SPTBN5: variants seen among roughly 807,000 people sequenced by gnomAD.
The protein encoded by SPTBN5 is spectrin beta, non-erythrocytic 5, also known as spectrin beta chain, non-erythrocytic 5.
Under a neutral mutation model 477.6 loss-of-function variants are expected in SPTBN5, and 513 were observed. That is an observed-to-expected ratio of 1.07 (90% CI 1.00 to 1.16). SPTBN5 has a LOEUF of 1.16. Ranked by LOEUF, SPTBN5 falls within the 50% of genes most tolerant of loss-of-function variation. The probability of loss-of-function intolerance (pLI) is 0.00; values close to 1 mark genes in which losing one functional copy is unlikely to be tolerated. For missense variants in SPTBN5, 5,062 were observed against 4,731.8 expected, an observed-to-expected ratio of 1.07 and a Z score of -2.05; for synonymous variants, 2,169 against 2,011.7, an observed-to-expected ratio of 1.08 and a Z score of -2.09.
chr15:41,873,452 C>T (rs1457413434), intron 26 of SPTBN5, 40 bp downstream of exon 26: 2 of 1,454,686 alleles, frequency 1.4e-6, no homozygotes, highest in Non-Finnish European at 1.9e-6. Context: ...GGTCCATCAT[C>T]ACCCAGACCA....
intron 17 of SPTBN5, among the ~76,000 whole-genome samples, 185 bp downstream of exon 17, chr15:41,878,157 C>T (rs1484034576): frequency 3.9e-5 from 6 of 152,192 alleles, no homozygotes; most frequent in African/African-American, 7.2e-5. Context: ...GGCTGCCTGA[C>T]CCAGTCCTAG....
At chr15:41,856,786 G>C in intron 52 of SPTBN5, 67 bp downstream of exon 52, 1 of 1,463,882 alleles carries the variant, frequency 6.8e-7, no homozygotes, top group Non-Finnish European at 9.2e-7. Context: ...GCCACAGAGA[G>C]TGCCATTTCC....
Position 41,854,659 on chromosome 15 carries a change from C to T in SPTBN5, c.9618+123G>A, listed in dbSNP as rs570749790. On this transcript the variant is annotated intron_variant, in intron 56 of 67. Transcript: ENST00000320955. ...AGCTGAGCAGGTGAGGGAAAAGGCA[C>T]ATTCACTTGAGGCCAGCAGGGTGTG... 55 of 814,338 alleles carry T rather than the reference C, an allele frequency of 6.8e-5. No homozygotes were observed. In the African/African-American group the frequency reaches 8.7e-4, roughly 13 times the overall value. 50.4% of individuals were successfully genotyped at this position (814,338 alleles called of 1,614,324 possible). A position where few individuals can be genotyped will look rare whatever the true frequency, so the allele number is the denominator to read the frequency against.
In SPTBN5 at chr15:41,890,179, C is replaced by T. The variant is rs764592849; in HGVS notation, c.411G>A (p.Glu137=). The change falls in exon 4 of 68, where the codon GAG becomes GAA. Residue 137 remains glutamate (E), a synonymous_variant. Transcript: ENST00000320955. ...AKVPVPLIGP[E]NIVDGDQTLI... is the part of the protein sequence containing the mutation. ...GTGTCTGGTCTCCGTCCACGATGTT[C>T]TCTGGCCCGATGAGTGGTACTGGCA... The T allele has an allele frequency of 3.0e-5, 49 of 1,612,716 alleles. No homozygotes were observed. Among genetic ancestry groups the T allele is most frequent in the Non-Finnish European group, 3.8e-5 (45 of 1,179,410 alleles).
intron 32 of SPTBN5, among the ~76,000 whole-genome samples, chr15:41,869,221 TTGCTCA>T (rs2066446769): frequency 6.6e-6 from 1 of 152,220 alleles, no homozygotes; most frequent in African/African-American, 2.4e-5. Flanking sequence ...GTTAAGTGCC[TTGCTCA>T]AGCTCACACT....
chr15:41,857,545 A>G, intron 50 of SPTBN5, 28 bp downstream of exon 50: 1 of 1,604,524 alleles, frequency 6.2e-7, no homozygotes, highest in African/African-American at 1.3e-5. Flanking sequence ...GAGCCCGGCC[A>G]GCCACCCCTC....
chr15:41,883,489 A>C lies in SPTBN5; in HGVS notation c.1521-3T>G, dbSNP rs763655931. On this transcript the variant is annotated splice_polypyrimidine_tract_variant and splice_region_variant and intron_variant, in intron 7 of 67. Transcript: ENST00000320955. The stretch of plus-strand genomic sequence containing the variant: ...AGCGCACGGTAACTTCCTCCTGCCT[A>C]GAGGATATGAGAATAAGGGAGATCT... 6.2e-7 allele frequency: 1 copy of C among 1,613,320 alleles called. No homozygotes were observed. Among genetic ancestry groups the C allele is most frequent in the Non-Finnish European group, 8.5e-7 (1 of 1,179,598 alleles).
intron 3 of SPTBN5, among the ~76,000 whole-genome samples, chr15:41,891,019 A>G (rs2140972173): frequency 6.6e-6 from 1 of 152,350 alleles, no homozygotes; most frequent in East Asian, 1.9e-4. Context: ...GTATTCTCCC[A>G]GGTATCTGCA....
Position 41,868,164 on chromosome 15 carries a change from A to G in SPTBN5, c.6112T>C (p.Trp2038Arg), listed in dbSNP as rs1049853801. ...TGCAGCCTCTCTTGCTTCCGTGCCC[A>G]GGTCTGATACACCTGGTCCCGCTGG... ...QDQRDQVYQT[W>R]ARKQERLQAE... The change falls in exon 34 of 68, where the codon TGG (tryptophan) becomes CGG (arginine). Residue 2038 changes from tryptophan (W) to arginine (R), a missense_variant. By Grantham distance (101) the Trp-to-Arg change is moderately radical. Transcript: ENST00000320955. 5 of 1,587,948 alleles carry G rather than the reference A, an allele frequency of 3.1e-6. No individual in the cohort carries two copies. The highest frequency in any genetic ancestry group is 4.3e-6 in the Non-Finnish European group (5 of 1,167,792).
chr15:41,851,179 T>C (rs1188730738), intron 64 of SPTBN5, 29 bp from the exon 65 acceptor site: 1 of 1,604,192 alleles, frequency 6.2e-7, no homozygotes, highest in Non-Finnish European at 8.5e-7. Context: ...CAGGGGTCAC[T>C]GCGGCCATCT....
rs760582543 is a variant in SPTBN5, at chr15:41,874,888, C to A, written c.4456G>T (p.Ala1486Ser). 4 of 1,612,232 alleles carry A rather than the reference C, an allele frequency of 2.5e-6. No homozygotes were observed. The South Asian group carries it at 4.4e-5, about 18-fold the overall frequency. Reference sequence around the variant, plus strand: ...TCTTCCAGGATGGCCGGGGAGGCGGCCATGCCATGGGCCATGGAGGCGAGG... The same window carrying A: ...TCTTCCAGGATGGCCGGGGAGGCGGACATGCCATGGGCCATGGAGGCGAGG... ...AALASMAHGMAASPAILEETQ... is the reference protein window; with the variant it reads ...AALASMAHGMSASPAILEETQ... The change falls in exon 23 of 68, where the codon GCC becomes TCC. Residue 1486 changes from alanine (A) to serine (S), a missense_variant. Transcript: ENST00000320955.
intron 34 of SPTBN5, 122 bp downstream of exon 34, chr15:41,867,947 T>G (rs1023913975): frequency 2.3e-6 from 3 of 1,324,358 alleles, no homozygotes; most frequent in Non-Finnish European, 3.0e-6. Context: ...GAAGGACTTG[T>G]GCACAGCTGC....
chr15:41,889,251 C>T (rs541697203), intron 4 of SPTBN5, among the ~76,000 whole-genome samples: 10 of 152,228 alleles, frequency 6.6e-5, no homozygotes, highest in Admixed American at 1.3e-4. Flanking sequence ...CCCCTGCTCT[C>T]CTGGGGCTCA....
Position 41,853,331 on chromosome 15 carries a change from C to G in SPTBN5, c.10097G>C (p.Cys3366Ser), listed in dbSNP as rs749800262. 3 of 1,612,808 alleles carry G rather than the reference C, an allele frequency of 1.9e-6. No individual in the cohort carries two copies. The highest frequency in any genetic ancestry group is 2.5e-6 in the Non-Finnish European group (3 of 1,179,552). Residue 3366 changes from cysteine (C) to serine (S), a missense_variant, in exon 59 of 68, where the codon TGC becomes TCC. Coordinates refer to ENST00000320955, the MANE Select transcript of SPTBN5 (RefSeq NM_016642.4). ...CCGCAGGTCCTGGGCTTGAAGGCGG[C>G]ACTCCCTGATTTCTTGCCCCAGCTC... ...HEELGQEIRE[C>S]RLQAQDLRQE...
Position 41,882,042 on chromosome 15 carries a change from A to C in SPTBN5, c.2351T>G (p.Leu784Arg). The C allele has an allele frequency of 1.3e-5, 20 of 1,554,884 alleles. No individual in the cohort carries two copies. Among genetic ancestry groups the C allele is most frequent in the Non-Finnish European group, 1.6e-5 (19 of 1,161,704 alleles). The change falls in exon 12 of 68, where the codon CTG (leucine) becomes CGG (arginine). Residue 784 changes from leucine (L) to arginine (R), a missense_variant. Coordinates refer to ENST00000320955, the MANE Select transcript of SPTBN5 (RefSeq NM_016642.4). ...GCGCTCCAGCCGCACGTGGCGCCTC[A>C]GCAGGGTCTCGGCGGCCGCCTGGTC... The part of the protein sequence containing the change: ...GQDQAAAETL[L>R]RRHVRLERVL...
rs546780255 is a variant in SPTBN5, at chr15:41,878,258, C to T, written c.3470+84G>A. 3.4e-5 allele frequency: 51 copies of T among 1,494,448 alleles called. No homozygotes were observed. In the East Asian group the frequency reaches 6.8e-4, roughly 20 times the overall value. The allele number at this position is 1,494,448 out of a possible 1,614,324, so 92.6% of individuals were successfully genotyped here. On this transcript the variant is annotated intron_variant, in intron 17 of 67. Coordinates refer to ENST00000320955, the MANE Select transcript of SPTBN5 (RefSeq NM_016642.4). ...TCCCTGGGGAAATCACACTACTTCC[C>T]GCATGCTCTTTCTGGGCCTGAACCC...
Position 41,886,348 on chromosome 15 carries a change from C to A in SPTBN5, c.907G>T (p.Glu303Ter). The A allele has an allele frequency of 6.2e-7, 1 of 1,604,212 alleles. No homozygotes were observed. Residue 303 changes from glutamate (E) to a stop codon, truncating the protein, a stop_gained, in exon 7 of 68, where the codon GAG becomes TAG. Coordinates refer to ENST00000320955, the MANE Select transcript of SPTBN5 (RefSeq NM_016642.4). LOFTEE classifies it high-confidence loss of function. ...TACTGGGTCTGCAGCAGCTCTGTCT[C>A]CTGGAGCTGAAGCAGGATCTGGTGG... is the stretch of plus-strand genomic sequence containing the variant. ...RLTKILLQLQ[E>*]TELLQTQYEQ...
chr15:41,876,164 C>A lies in SPTBN5; in HGVS notation c.4072G>T (p.Ala1358Ser). The A allele has an allele frequency of 1.2e-6, 2 of 1,605,344 alleles. No individual in the cohort carries two copies. The highest frequency in any genetic ancestry group is 1.7e-6 in the Non-Finnish European group (2 of 1,179,646). Residue 1358 changes from alanine to serine, a missense_variant, in exon 21 of 68, where the codon GCT becomes TCT. Physicochemically the swap from Ala to Ser is moderately conservative, Grantham distance 99. Transcript: ENST00000320955. ...ILQTLKRHEA[A>S]ESELLATRRH... ...CGGGTGGCGAGTAGCTCGCTCTCAG[C>A]TGCTTCGTGCCGCTTGAGTGTCTGC...
intron 14 of SPTBN5, 59 bp from the exon 15 acceptor site, chr15:41,879,923 C>G: frequency 6.2e-7 from 1 of 1,603,574 alleles, no homozygotes; most frequent in Non-Finnish European, 8.5e-7. Flanking sequence ...ACACTCCCCT[C>G]TAGCCTATGA....
Sources: gnomAD v4.1 joint callset for allele counts (sites outside exome capture counted in the v4.1 genomes callset) on GRCh38, gnomAD v4.1.1 for gene constraint, MANE v1.5 for transcripts, NCBI Gene and HGNC (gene_info 2026-07-23, HGNC 2026-07-21) for gene names.